Variants in DHRSX observed in about 807,000 individuals in gnomAD.
The protein encoded by DHRSX is dehydrogenase/reductase X-linked.
DHRSX carries 31 observed loss-of-function variants against 34.0 expected under a neutral mutation model. The ratio of observed to expected loss-of-function variants is 0.91; its 90% CI spans 0.69 to 1.23. The LOEUF (loss-of-function observed/expected upper bound fraction) is 1.23, where lower values mean the gene tolerates loss of function less well. Among genes scored for constraint, DHRSX ranks in the 50% most tolerant of loss-of-function variants. DHRSX has a pLI of 0.00. For missense variants in DHRSX, 414 were observed against 428.1 expected (o/e 0.97, Z 0.29); for synonymous variants, 201 against 183.8 (o/e 1.09, Z -0.76).
At chrX:2,425,327 C>T in intron 1 of DHRSX, 23 bp from the exon 2 acceptor site, 1 of 1,585,590 alleles carries the variant, frequency 6.3e-7, no homozygotes, top group Non-Finnish European at 8.7e-7. Context: ...AAGAGAAAAT[C>T]ATCAAACTAA....
At chrX:2,377,404 A>G (rs1218143458) in intron 3 of DHRSX, among the ~76,000 whole-genome samples, 1 of 151,864 alleles carries the variant, frequency 6.6e-6, no homozygotes, top group African/African-American at 2.4e-5. Flanking sequence ...CATAAGAAGC[A>G]TGCAACCCAG....
At chrX:2,311,126 C>T (rs1430609313) in intron 3 of DHRSX, among the ~76,000 whole-genome samples, 2 of 143,684 alleles carry the variant, frequency 1.4e-5, no homozygotes, top group Non-Finnish European at 3.0e-5. Flanking sequence ...AGAGAATAAG[C>T]GAGAGACAGA....
chrX:2,371,986 T>C (rs1459562934), intron 3 of DHRSX, among the ~76,000 whole-genome samples: 1 of 152,200 alleles, frequency 6.6e-6, no homozygotes, highest in East Asian at 1.9e-4. Flanking sequence ...GCCAGACAGT[T>C]AGTGCAATGA....
At position 2,396,382 on chromosome X, in the gene DHRSX, T is replaced by TC. The variant is rs1304214965; in HGVS notation, c.286+12362_286+12363insG. Among the ~76,000 whole-genome samples the TC allele has an allele frequency of 2.8e-5, 4 of 141,068 alleles. No individual in the cohort carries two copies. The East Asian group carries it at 8.0e-4, about 28-fold the overall frequency. 92.5% of individuals were successfully genotyped at this position (141,068 alleles called of 152,430 possible). On this transcript the variant is annotated intron_variant, in intron 3 of 6. Coordinates refer to ENST00000334651, the MANE Select transcript of DHRSX (RefSeq NM_145177.3). ...GATGCTTTCTTTCTTTTTCTTTTTT[T>TC]TTTTTTTTTTTTTGAGACAGAATCA...
At chrX:2,428,814 C>G (rs1167214138) in intron 1 of DHRSX, among the ~76,000 whole-genome samples, 2 of 152,102 alleles carry the variant, frequency 1.3e-5, no homozygotes, top group East Asian at 3.9e-4. Context: ...TTCCATTTCA[C>G]CTTTCCAAGT....
At position 2,390,246 on chromosome X, in the gene DHRSX, C is replaced by A. The variant is rs757640981; in HGVS notation, c.286+18499G>T. The stretch of plus-strand genomic sequence containing the variant: ...ACAACCTCTGCCTCCCGGATTCAAG[C>A]GATTCTCCTGCTCAGCCTCCCAAAT... On this transcript the variant is annotated intron_variant, in intron 3 of 6. Transcript: ENST00000334651. Among the ~76,000 whole-genome samples, 132 of 148,880 alleles carry A rather than the reference C, an allele frequency of 8.9e-4. 1 individual carries two copies. Among genetic ancestry groups the A allele is most frequent in the African/African-American group, 3.1e-3 (126 of 40,228 alleles).
chrX:2,410,320 GA>G (rs1164688327), intron 2 of DHRSX, among the ~76,000 whole-genome samples: 8 of 152,130 alleles, frequency 5.3e-5, no homozygotes, highest in Non-Finnish European at 1.0e-4. Flanking sequence ...AGGGAGATGA[GA>G]ACTAGCAGGG....
At chrX:2,391,511 G>T (rs1301683459) in intron 3 of DHRSX, among the ~76,000 whole-genome samples, 2 of 152,088 alleles carry the variant, frequency 1.3e-5, no homozygotes, top group Non-Finnish European at 2.9e-5. Flanking sequence ...GGGACTGGGG[G>T]AAAAAATAAA....
chrX:2,371,541 G>C (rs77340248), intron 3 of DHRSX, among the ~76,000 whole-genome samples: 2,480 of 51,758 alleles, frequency 0.048, 36 homozygotes, highest in Middle Eastern at 0.17. Context: ...ACCATAGTCC[G>C]TCCTTCTGTT....
chrX:2,230,105 A>C (rs1250039593), intron 6 of DHRSX, among the ~76,000 whole-genome samples: 2 of 152,126 alleles, frequency 1.3e-5, no homozygotes, highest in Non-Finnish European at 2.9e-5. Context: ...ATGCATGTGA[A>C]GGTGTGTGTG....
chrX:2,359,939 G>A (rs2124585603), intron 3 of DHRSX, among the ~76,000 whole-genome samples: 1 of 152,216 alleles, frequency 6.6e-6, no homozygotes, highest in Non-Finnish European at 1.5e-5. Context: ...TGGGAGGAGG[G>A]ACAGGATCAG....
intron 3 of DHRSX, among the ~76,000 whole-genome samples, chrX:2,380,233 G>A (rs190941698): frequency 2.5e-3 from 372 of 149,450 alleles, no homozygotes; most frequent in Non-Finnish European, 3.8e-3. Context: ...CCCAGGAGGC[G>A]GAGGTTGCAG....
intron 3 of DHRSX, among the ~76,000 whole-genome samples, chrX:2,372,438 G>T (rs1381171835): frequency 3.9e-5 from 6 of 152,002 alleles, no homozygotes; most frequent in Non-Finnish European, 7.4e-5. Flanking sequence ...GTGTCAAATT[G>T]GAACCGAATC....
chrX:2,429,950 A>C (rs2043896533), intron 1 of DHRSX, among the ~76,000 whole-genome samples: 1 of 152,218 alleles, frequency 6.6e-6, no homozygotes, highest in South Asian at 2.1e-4. Flanking sequence ...GCAAATATCA[A>C]TAGCTTCCAT....
chrX:2,371,202 A>G (rs1321432050), intron 3 of DHRSX, among the ~76,000 whole-genome samples: 3 of 136,892 alleles, frequency 2.2e-5, no homozygotes, highest in African/African-American at 8.3e-5. Context: ...CTCCGTTACC[A>G]CAGTCCCTTC....
At chrX:2,421,928 G>A (rs1278726273) in intron 2 of DHRSX, among the ~76,000 whole-genome samples, 4 of 152,066 alleles carry the variant, frequency 2.6e-5, no homozygotes, top group African/African-American at 9.7e-5. Flanking sequence ...TCATCGATTC[G>A]TAACATGATG....
chrX:2,420,193 G>C (rs1468684220), intron 2 of DHRSX, among the ~76,000 whole-genome samples: 1 of 151,276 alleles, frequency 6.6e-6, no homozygotes, highest in Non-Finnish European at 1.5e-5. Context: ...CAAATTACGA[G>C]GTCAAGAGAT....
chrX:2,230,319 T>C (rs930000286), intron 6 of DHRSX, among the ~76,000 whole-genome samples: 5 of 152,234 alleles, frequency 3.3e-5, no homozygotes, highest in Non-Finnish European at 7.3e-5. Context: ...GGATGTTTCA[T>C]GGCCTCAGTG....
At chrX:2,429,886 T>C (rs2043896051) in intron 1 of DHRSX, among the ~76,000 whole-genome samples, 1 of 151,912 alleles carries the variant, frequency 6.6e-6, no homozygotes. Context: ...AAAATCAACA[T>C]TAAATAAATC....
Sources: allele counts gnomAD v4.1 joint callset (sites outside exome capture counted in the v4.1 genomes callset), GRCh38; gene constraint gnomAD v4.1.1; transcripts MANE v1.5; gene names NCBI Gene and HGNC (gene_info 2026-07-23, HGNC 2026-07-21).